PSMB9: variants seen among roughly 807,000 people sequenced by gnomAD.
PSMB9 encodes the protein proteasome subunit beta type-9.
Under a neutral mutation model 26.9 loss-of-function variants are expected in PSMB9, and 16 were observed. The observed-to-expected ratio is 0.59, with a 90% CI of 0.40 to 0.90. The LOEUF is 0.90. Among genes scored for constraint, PSMB9 ranks in the 40% least tolerant of loss-of-function variants. PSMB9 has a pLI of 0.00. For synonymous variants in PSMB9, 91 were observed against 112.0 expected, an observed-to-expected ratio of 0.81 and a Z score of 1.18; for missense variants, 253 against 292.2, an observed-to-expected ratio of 0.87 and a Z score of 0.98.
chr6:32,858,081 G>A lies in PSMB9; in HGVS notation c.337G>A (p.Asp113Asn). 1 of 1,613,102 alleles carries A rather than the reference G, an allele frequency of 6.2e-7. No homozygotes were observed. The highest frequency in any genetic ancestry group is 1.1e-5 in the South Asian group (1 of 91,088). ...AAATATCAGCTATAAATATCGAGAG[G>A]ACTTGTCTGCACATCTCATGGTAGC... ...VRNISYKYRE[D>N]LSAHLMVAGW... Residue 113 changes from aspartate (D) to asparagine (N), a missense_variant, in exon 4 of 6, where the codon GAC becomes AAC. Coordinates refer to ENST00000374859, the MANE Select transcript of PSMB9 (RefSeq NM_002800.5). The surrounding 1 kb of genome is among the most constrained non-coding windows in gnomAD (Gnocchi z 5.2).
rs564965990 is a variant in PSMB9, at chr6:32,854,593, G to A, written c.60+304G>A. Reference sequence around the variant, plus strand: ...GCGCTTTCGCTTTCACTCTGGTCCCGGACAGTGGGGGCTGGTTAAATCAAG... The same window carrying A: ...GCGCTTTCGCTTTCACTCTGGTCCCAGACAGTGGGGGCTGGTTAAATCAAG... On this transcript the variant is annotated intron_variant, in intron 1 of 5. Coordinates refer to ENST00000374859, the MANE Select transcript of PSMB9 (RefSeq NM_002800.5). The surrounding 1 kb of genome is among the most constrained non-coding windows in gnomAD (Gnocchi z 4.6). Among the ~76,000 whole-genome samples the A allele has an allele frequency of 2.3e-4, 35 of 151,838 alleles. 1 individual carries two copies. The Middle Eastern group carries it at 0.014, about 59-fold the overall frequency.
chr6:32,854,322 G>T lies in PSMB9; in HGVS notation c.60+33G>T. ...GTCTGGGCTTGAGGGTTGGCAGAGGGGTGGAGGAGATGCAGCGGCCAGGGG... is the reference window on the plus strand; with the variant it reads ...GTCTGGGCTTGAGGGTTGGCAGAGGTGTGGAGGAGATGCAGCGGCCAGGGG... On this transcript the variant is annotated intron_variant, in intron 1 of 5. Transcript: ENST00000374859. This position sits in a 1 kb window ranked among gnomAD's most constrained non-coding sequence, Gnocchi z 4.6. 1.4e-6 allele frequency: 2 copies of T among 1,445,484 alleles called. No homozygotes were observed. The highest frequency in any genetic ancestry group is 3.1e-5 in the Admixed American group (1 of 32,414). The allele number at this position is 1,445,484 out of a possible 1,614,324, so 89.5% of individuals were successfully genotyped here. A position where few individuals can be genotyped will look rare whatever the true frequency, so the allele number is the denominator to read the frequency against.
intron 5 of PSMB9, 77 bp from the exon 6 acceptor site, chr6:32,859,328 G>T: frequency 6.7e-7 from 1 of 1,494,540 alleles, no homozygotes. Flanking sequence ...TAGGCATATG[G>T]ATGGAGGGGG....
chr6:32,857,861 T>C (rs985727872), intron 3 of PSMB9, 144 bp from the exon 4 acceptor site: 5 of 892,094 alleles, frequency 5.6e-6, no homozygotes, highest in Non-Finnish European at 8.5e-6. Context: ...GGGACTCTGG[T>C]TCCCCTGTAC....
chr6:32,856,396 G>A (rs1582653086), intron 2 of PSMB9, 191 bp downstream of exon 2: 1 of 610,216 alleles, frequency 1.6e-6, no homozygotes, highest in East Asian at 2.8e-5. Context: ...AGGATCTGGG[G>A]TCTGAATGTG....
rs766402170 is a variant in PSMB9, at chr6:32,858,421, G to A, written c.448G>A (p.Gly150Ser). 7.4e-6 allele frequency: 12 copies of A among 1,612,882 alleles called. No homozygotes were observed. Among genetic ancestry groups the A allele is most frequent in the African/African-American group, 2.7e-5 (2 of 74,912 alleles). The change falls in exon 5 of 6, where the codon GGC (glycine) becomes AGC (serine). Residue 150 changes from glycine (G) to serine (S), a missense_variant. By Grantham distance (56) the Gly-to-Ser change is moderately conservative. Transcript: ENST00000374859. This position sits in a 1 kb window ranked among gnomAD's most constrained non-coding sequence, Gnocchi z 5.2. ...ACAGCCTTTTGCCATTGGTGGCTCCGGCAGCACCTTTATCTATGGTTATGT... is the reference window on the plus strand; with the variant it reads ...ACAGCCTTTTGCCATTGGTGGCTCCAGCAGCACCTTTATCTATGGTTATGT... ...TRQPFAIGGS[G>S]STFIYGYVDA...
chr6:32,857,709 G>A (rs774318838), intron 3 of PSMB9: 9 of 535,030 alleles, frequency 1.7e-5, no homozygotes, highest in South Asian at 1.1e-4. Context: ...GTTACCATAC[G>A]AGAAATCAAG....
chr6:32,854,212 G>C lies in PSMB9; in HGVS notation c.-18G>C, dbSNP rs1167810042. On this transcript the variant is annotated 5_prime_UTR_variant, in exon 1 of 6. Coordinates refer to ENST00000374859, the MANE Select transcript of PSMB9 (RefSeq NM_002800.5). The surrounding 1 kb of genome is among the most constrained non-coding windows in gnomAD (Gnocchi z 4.6). ...AAACCAGTGCCCCAGGCGGCGAGGA[G>C]AGCGGTGCCTTGCAGGGATGCTGCG... 1 of 1,546,956 alleles carries C rather than the reference G, an allele frequency of 6.5e-7. No individual in the cohort carries two copies. Among genetic ancestry groups the C allele is most frequent in the East Asian group, 2.4e-5 (1 of 40,832 alleles).
chr6:32,859,585 A>G lies in PSMB9; in HGVS notation c.*53A>G. On this transcript the variant is annotated 3_prime_UTR_variant, in exon 6 of 6. Coordinates refer to ENST00000374859, the MANE Select transcript of PSMB9 (RefSeq NM_002800.5). ...TTGTAATAAACTCTCTAGGGCCAAA[A>G]CCTGGTATGGTCATTGGGAAATGAG... 1 of 1,570,738 alleles carries G rather than the reference A, an allele frequency of 6.4e-7. No homozygotes were observed. The highest frequency in any genetic ancestry group is 8.7e-7 in the Non-Finnish European group (1 of 1,151,516).
In PSMB9 at chr6:32,858,759, G is replaced by A; in HGVS notation, c.532+254G>A. The A allele has an allele frequency of 1.7e-6, 1 of 574,910 alleles. No homozygotes were observed. The highest frequency in any genetic ancestry group is 3.1e-6 in the Non-Finnish European group (1 of 322,648). 35.6% of individuals were successfully genotyped at this position (574,910 alleles called of 1,614,324 possible). ...ACTGTGAGAACCAGTGGTGTGCTAA[G>A]CACAGTGGCTCACACCTGTAATGCC... On this transcript the variant is annotated intron_variant, in intron 5 of 5. Transcript: ENST00000374859. This position sits in a 1 kb window ranked among gnomAD's most constrained non-coding sequence, Gnocchi z 5.2.
Position 32,858,554 on chromosome 6 carries a change from A to C in PSMB9, c.532+49A>C, listed in dbSNP as rs1360237762. ...CCTGGGGAGGGCTTTGAAACATGGG[A>C]AGGAAGTAGATTATGAGGAACAGGA... On this transcript the variant is annotated intron_variant, in intron 5 of 5. Coordinates refer to ENST00000374859, the MANE Select transcript of PSMB9 (RefSeq NM_002800.5). This position sits in a 1 kb window ranked among gnomAD's most constrained non-coding sequence, Gnocchi z 5.2. 10 of 1,611,186 alleles carry C rather than the reference A, an allele frequency of 6.2e-6. No individual in the cohort carries two copies. Among genetic ancestry groups the C allele is most frequent in the Non-Finnish European group, 8.5e-6 (10 of 1,179,302 alleles).
In PSMB9 at chr6:32,858,084, T is replaced by A; in HGVS notation, c.340T>A (p.Leu114Met). The A allele has an allele frequency of 6.2e-7, 1 of 1,613,102 alleles. No homozygotes were observed. Among genetic ancestry groups the A allele is most frequent in the South Asian group, 1.1e-5 (1 of 91,088 alleles). ...TATCAGCTATAAATATCGAGAGGAC[T>A]TGTCTGCACATCTCATGGTAGCTGG... The part of the protein sequence containing the change: ...RNISYKYRED[L>M]SAHLMVAGWD... Residue 114 changes from leucine to methionine, a missense_variant, in exon 4 of 6, where the codon TTG becomes ATG. Physicochemically the swap from Leu to Met is conservative, Grantham distance 15. Coordinates refer to ENST00000374859, the MANE Select transcript of PSMB9 (RefSeq NM_002800.5). This position sits in a 1 kb window ranked among gnomAD's most constrained non-coding sequence, Gnocchi z 5.2.
rs1771281503 is a variant in PSMB9, at chr6:32,858,574, A to G, written c.532+69A>G. 6.2e-6 allele frequency: 10 copies of G among 1,601,522 alleles called. No homozygotes were observed. In the East Asian group the frequency reaches 2.2e-4, roughly 36 times the overall value. On this transcript the variant is annotated intron_variant, in intron 5 of 5. Transcript: ENST00000374859. This position sits in a 1 kb window ranked among gnomAD's most constrained non-coding sequence, Gnocchi z 5.2. ...ATGGGAAGGAAGTAGATTATGAGGA[A>G]CAGGAAGAGAAATACAGGGGTGGCC... is the stretch of plus-strand genomic sequence containing the variant.
Position 32,857,154 on chromosome 6 carries a change from T to C in PSMB9, c.129-109T>C, listed in dbSNP as rs1028015786. 1.7e-5 allele frequency: 22 copies of C among 1,298,840 alleles called. No homozygotes were observed. In the Admixed American group the frequency reaches 5.2e-4, roughly 31 times the overall value. The allele number at this position is 1,298,840 out of a possible 1,614,324, so 80.5% of individuals were successfully genotyped here. A position where few individuals can be genotyped will look rare whatever the true frequency, so the allele number is the denominator to read the frequency against. ...GGCGAAGTTTGCAGTGAGCCCAAGA[T>C]TGATCCACTGCACTCCAGCCTGGGT... On this transcript the variant is annotated intron_variant, in intron 2 of 5. Coordinates refer to ENST00000374859, the MANE Select transcript of PSMB9 (RefSeq NM_002800.5).
In PSMB9 at chr6:32,858,881, T is replaced by TA. The variant is rs199651699; in HGVS notation, c.532+384dup. On this transcript the variant is annotated intron_variant, in intron 5 of 5. Transcript: ENST00000374859. The surrounding 1 kb of genome is among the most constrained non-coding windows in gnomAD (Gnocchi z 5.2). ...GAAACCCTGTCTCCACAAAAAACAA[T>TA]AAAAAAAAGTAAAAAAAAAAATGAA... 18,473 of 262,828 alleles carry TA rather than the reference T, an allele frequency of 0.07. 768 individuals are homozygous for TA. The highest frequency in any genetic ancestry group is 0.13 in the South Asian group (3,275 of 24,948). The allele number at this position is 262,828 out of a possible 1,614,324, so 16.3% of individuals were successfully genotyped here. A position where few individuals can be genotyped will look rare whatever the true frequency, so the allele number is the denominator to read the frequency against.
Position 32,854,895 on chromosome 6 carries a change from A to G in PSMB9, c.60+606A>G, listed in dbSNP as rs1771080995. ...CCCTGTGTCTTCCCTGCCCACTCCC[A>G]TGTGCCCACTGGGGGGACTTTGCTT... On this transcript the variant is annotated intron_variant, in intron 1 of 5. Transcript: ENST00000374859. The surrounding 1 kb of genome is among the most constrained non-coding windows in gnomAD (Gnocchi z 4.6). Among the ~76,000 whole-genome samples the G allele has an allele frequency of 6.6e-6, 1 of 151,996 alleles. No homozygotes were observed. The highest frequency in any genetic ancestry group is 2.4e-5 in the African/African-American group (1 of 41,386).
rs1025870659 is a variant in PSMB9, at chr6:32,858,664, T to A, written c.532+159T>A. The A allele has an allele frequency of 8.6e-6, 8 of 925,820 alleles. No homozygotes were observed. Among genetic ancestry groups the A allele is most frequent in the Admixed American group, 2.0e-5 (1 of 48,828 alleles). 57.4% of individuals were successfully genotyped at this position (925,820 alleles called of 1,614,324 possible). A position where few individuals can be genotyped will look rare whatever the true frequency, so the allele number is the denominator to read the frequency against. ...AAAAGGGGCAGGACAAATGCAAAGC[T>A]CAATGGGGTTCTTGGGCAATACGGA... On this transcript the variant is annotated intron_variant, in intron 5 of 5. Transcript: ENST00000374859. The surrounding 1 kb of genome is among the most constrained non-coding windows in gnomAD (Gnocchi z 5.2).
chr6:32,854,255 G>A lies in PSMB9; in HGVS notation c.26G>A (p.Gly9Glu), dbSNP rs35100697. 3.0e-3 allele frequency: 4,617 copies of A among 1,534,740 alleles called. 85 individuals are homozygous for A. Among genetic ancestry groups the A allele is most frequent in the African/African-American group, 0.028 (2,010 of 72,016 alleles). ...ATGCTGCGGGCGGGAGCACCAACCG[G>A]GGACTTACCCCGGGCGGGAGAAGTC... is the stretch of plus-strand genomic sequence containing the variant. MLRAGAPTGDLPRAGEVHT... is the reference protein window; with the variant it reads MLRAGAPTEDLPRAGEVHT... The change falls in exon 1 of 6, where the codon GGG (glycine) becomes GAG (glutamate). Residue 9 changes from glycine to glutamate, a missense_variant. Gly to Glu is a moderately conservative substitution (Grantham distance 98, BLOSUM62 -2). Transcript: ENST00000374859. The surrounding 1 kb of genome is among the most constrained non-coding windows in gnomAD (Gnocchi z 4.6).
chr6:32,859,048 T>G (rs1477536058), intron 5 of PSMB9: 1 of 181,362 alleles, frequency 5.5e-6, no homozygotes. Context: ...AGAGACCCTG[T>G]CTGGAGAAAA....
Sources: gnomAD v4.1 joint callset for allele counts (sites outside exome capture counted in the v4.1 genomes callset) on GRCh38, gnomAD v4.1.1 for gene constraint, Gnocchi (gnomAD v3.1) non-coding constraint, MANE v1.5 for transcripts, NCBI Gene and HGNC (gene_info 2026-07-23, HGNC 2026-07-21) for gene names.